Variants in FASTKD2 observed in about 807,000 individuals in gnomAD.
The protein encoded by FASTKD2 is FAST kinase domains 2.
FASTKD2 carries 51 observed loss-of-function variants against 63.6 expected under a neutral mutation model. That is an observed-to-expected ratio of 0.80 (90% CI 0.64 to 1.01). The LOEUF (loss-of-function observed/expected upper bound fraction) is 1.01. Ranked by LOEUF, FASTKD2 falls within the 50% of genes least tolerant of loss-of-function variation. FASTKD2 has a pLI of 0.00. For missense variants in FASTKD2, 786 were observed against 831.1 expected (o/e 0.95, Z 0.67); for synonymous variants, 284 against 293.4 (o/e 0.97, Z 0.33).
At chr2:206,770,356 C>T (rs1163315254) in intron 3 of FASTKD2, among the ~76,000 whole-genome samples, 162 bp downstream of exon 3, 1 of 152,050 alleles carries the variant, frequency 6.6e-6, no homozygotes, top group Admixed American at 6.5e-5. Context: ...AGCTTAAAAT[C>T]CTGACTCTGG....
At chr2:206,772,618 G>A (rs1259760026) in intron 6 of FASTKD2, among the ~76,000 whole-genome samples, 1 of 152,142 alleles carries the variant, frequency 6.6e-6, no homozygotes, top group Non-Finnish European at 1.5e-5. Flanking sequence ...TGTTTTGCTG[G>A]GTTAGTGATA....
At chr2:206,769,888 G>T (rs761850178) in intron 2 of FASTKD2, among the ~76,000 whole-genome samples, 2 of 152,214 alleles carry the variant, frequency 1.3e-5, no homozygotes, top group African/African-American at 2.4e-5. Context: ...ATGCATAAAA[G>T]GATGTGTATC....
intron 7 of FASTKD2, among the ~76,000 whole-genome samples, chr2:206,776,385 T>C (rs1422407064): frequency 6.6e-6 from 1 of 152,024 alleles, no homozygotes; most frequent in Non-Finnish European, 1.5e-5. Flanking sequence ...TAGTTCTCCT[T>C]GTCTGTATTT....
rs930687973 is a variant in FASTKD2 at position 206,794,865 on chromosome 2, T to C, written c.*3063T>C. On this transcript the variant is annotated 3_prime_UTR_variant, in exon 12 of 12. Transcript: ENST00000402774. Reference sequence around the variant, plus strand: ...ACCCTGCAACTGGCTTGGACATCTCTAAGCAAATAGAAGTTTCTGTAAGAT... The same window carrying C: ...ACCCTGCAACTGGCTTGGACATCTCCAAGCAAATAGAAGTTTCTGTAAGAT... 3.9e-5 allele frequency among the ~76,000 whole-genome samples: 6 copies of C among 152,214 alleles called. No individual in the cohort carries two copies. The highest frequency in any genetic ancestry group is 1.4e-4 in the African/African-American group (6 of 41,462).
rs1214683913 is a variant in FASTKD2 at position 206,792,441 on chromosome 2, C to G, written c.*639C>G. ...TCCTTCCTTTCTCTTTCTTTTTTCC[C>G]CCTTACCCCTCCCACAATTTCATGA... On this transcript the variant is annotated 3_prime_UTR_variant, in exon 12 of 12. Coordinates refer to ENST00000402774, the MANE Select transcript of FASTKD2 (RefSeq NM_001136193.2). 6.6e-6 allele frequency: 1 copy of G among 152,376 alleles called. No individual in the cohort carries two copies. The highest frequency in any genetic ancestry group is 1.5e-5 in the Non-Finnish European group (1 of 68,302). 9.4% of individuals were successfully genotyped at this position (152,376 alleles called of 1,614,324 possible).
chr2:206,776,561 A>G (rs1445316115), intron 7 of FASTKD2, among the ~76,000 whole-genome samples: 1 of 152,026 alleles, frequency 6.6e-6, no homozygotes, highest in East Asian at 1.9e-4. Context: ...ATGTTATAAA[A>G]TAAGGTTCCA....
chr2:206,770,119 G>A lies in FASTKD2; in HGVS notation c.806G>A (p.Cys269Tyr). ...CGTATCAATGAGTGTGATGAGATAT[G>A]CCTTTCAGTTTTGTCAACTGTTTTA... ...QERINECDEI[C>Y]LSVLSTVLEA... The change falls in exon 3 of 12, where the codon TGC becomes TAC. Residue 269 changes from cysteine (C) to tyrosine (Y), a missense_variant. Transcript: ENST00000402774. The A allele has an allele frequency of 1.2e-6, 2 of 1,608,922 alleles. No homozygotes were observed. The highest frequency in any genetic ancestry group is 2.2e-5 in the South Asian group (2 of 90,960).
chr2:206,790,912 C>A, intron 11 of FASTKD2: 1 of 503,948 alleles, frequency 2.0e-6, no homozygotes, highest in South Asian at 2.1e-5. Context: ...AAATGTTGTT[C>A]TGGTCAGCTT....
chr2:206,784,598 A>G (rs1015532955), intron 7 of FASTKD2, among the ~76,000 whole-genome samples: 5 of 152,056 alleles, frequency 3.3e-5, no homozygotes, highest in Non-Finnish European at 7.4e-5. Flanking sequence ...CACCTTATGG[A>G]TAATCCCACA....
At chr2:206,767,910 A>G (rs1400522766) in intron 2 of FASTKD2, among the ~76,000 whole-genome samples, 3 of 152,238 alleles carry the variant, frequency 2.0e-5, no homozygotes, top group Non-Finnish European at 1.5e-5. Context: ...TGCATGCCCT[A>G]CTGTTCCCAG....
At chr2:206,770,823 T>A (rs1689658025) in intron 3 of FASTKD2, among the ~76,000 whole-genome samples, 1 of 152,016 alleles carries the variant, frequency 6.6e-6, no homozygotes, top group African/African-American at 2.4e-5. Context: ...TATGTGAGGG[T>A]TGACGTTGAC....
chr2:206,775,919 T>A (rs1379739884), intron 7 of FASTKD2, among the ~76,000 whole-genome samples: 1 of 151,978 alleles, frequency 6.6e-6, no homozygotes, highest in Non-Finnish European at 1.5e-5. Flanking sequence ...TTTTTGATAA[T>A]GGCCGTCCTA....
chr2:206,787,613 C>T (rs1326944534), intron 8 of FASTKD2, among the ~76,000 whole-genome samples: 1 of 152,152 alleles, frequency 6.6e-6, no homozygotes, highest in Non-Finnish European at 1.5e-5. Flanking sequence ...AACCTGGATT[C>T]TAGTTCCAAC....
At chr2:206,779,912 G>A (rs182163344) in intron 7 of FASTKD2, among the ~76,000 whole-genome samples, 139 of 152,074 alleles carry the variant, frequency 9.1e-4, no homozygotes, top group African/African-American at 2.1e-3. Context: ...GTCTCTAAAG[G>A]TGTTTCATTT....
In FASTKD2 at chr2:206,779,956, T is replaced by C. The variant is rs186752616; in HGVS notation, c.1427+5559T>C. Among the ~76,000 whole-genome samples the C allele has an allele frequency of 2.3e-3, 346 of 152,358 alleles. 2 individuals are homozygous for C. Among genetic ancestry groups the C allele is most frequent in the African/African-American group, 7.8e-3 (326 of 41,596 alleles). On this transcript the variant is annotated intron_variant, in intron 7 of 11. Transcript: ENST00000402774. Reference sequence around the variant, plus strand: ...CATGGGTCTTACATAAAACATCTTATTGTTTTAACAGTCTATTTTAAGCTG... The same window carrying C: ...CATGGGTCTTACATAAAACATCTTACTGTTTTAACAGTCTATTTTAAGCTG...
chr2:206,790,535 C>A, intron 10 of FASTKD2, 37 bp from the exon 11 acceptor site: 2 of 1,202,728 alleles, frequency 1.7e-6, no homozygotes, highest in Non-Finnish European at 2.5e-6. Flanking sequence ...ATAGTAATAT[C>A]AATAACTGTT....
intron 7 of FASTKD2, among the ~76,000 whole-genome samples, chr2:206,783,896 G>A (rs1410512757): frequency 6.6e-6 from 1 of 152,162 alleles, no homozygotes; most frequent in African/African-American, 2.4e-5. Flanking sequence ...ACAACAGGAG[G>A]GAGGTCTGTG....
intron 2 of FASTKD2, 64 bp downstream of exon 2, chr2:206,767,534 G>T: frequency 1.5e-6 from 2 of 1,307,478 alleles, no homozygotes; most frequent in African/African-American, 1.5e-5. Flanking sequence ...AAGAATGAAG[G>T]GATATAGATA....
chr2:206,766,618 TC>T (rs1234985537), intron 1 of FASTKD2, 25 bp from the exon 2 acceptor site: 2 of 1,258,272 alleles, frequency 1.6e-6, no homozygotes, highest in African/African-American at 3.0e-5. Context: ...TAATTTTTAT[TC>T]TTTTCATTAC....
Sources: gnomAD v4.1 joint callset for allele counts (sites outside exome capture counted in the v4.1 genomes callset) on GRCh38, gnomAD v4.1.1 for gene constraint, MANE v1.5 for transcripts, NCBI Gene and HGNC (gene_info 2026-07-23, HGNC 2026-07-21) for gene names.